MMP26: variants seen among roughly 807,000 people sequenced by gnomAD.
The protein encoded by MMP26 is matrix metalloproteinase-26.
A neutral mutation model predicts 31.0 loss-of-function variants in MMP26; 33 were observed. The ratio of observed to expected loss-of-function variants is 1.06; its 90% CI spans 0.81 to 1.42. The LOEUF (loss-of-function observed/expected upper bound fraction) is 1.42. Ranked by LOEUF, MMP26 falls within the 40% of genes most tolerant of loss-of-function variation. The probability of loss-of-function intolerance (pLI) is 0.00; values close to 1 mark genes in which losing one functional copy is unlikely to be tolerated. For missense variants in MMP26, 347 were observed against 316.1 expected (o/e 1.10, Z -0.74); for synonymous variants, 122 against 114.9 (o/e 1.06, Z -0.40).
chr11:4,939,531 T>G (rs932038524), intron 2 of MMP26, among the ~76,000 whole-genome samples: 1 of 152,290 alleles, frequency 6.6e-6, no homozygotes, highest in Middle Eastern at 3.4e-3. Context: ...ATTATTGTAA[T>G]CATTTAGGAA....
At chr11:4,839,634 G>A (rs1849767684) in intron 2 of MMP26, among the ~76,000 whole-genome samples, 1 of 151,724 alleles carries the variant, frequency 6.6e-6, no homozygotes, top group Non-Finnish European at 1.5e-5. Context: ...AGTCCTGGCA[G>A]CATTTATCAC....
intron 2 of MMP26, chr11:4,832,455 G>C (rs1240585513): frequency 6.5e-6 from 1 of 152,942 alleles, no homozygotes; most frequent in South Asian, 2.1e-4. Context: ...TTCATCCATG[G>C]ATTCACAGAC....
At chr11:4,808,877 G>C (rs1055971615) in intron 2 of MMP26, among the ~76,000 whole-genome samples, 1 of 149,296 alleles carries the variant, frequency 6.7e-6, no homozygotes, top group Non-Finnish European at 1.5e-5. Flanking sequence ...TTCCTCTGCT[G>C]ACCTACGGAA....
intron 2 of MMP26, chr11:4,860,065 C>A: frequency 2.1e-6 from 1 of 471,070 alleles, no homozygotes; most frequent in Non-Finnish European, 4.4e-6. Flanking sequence ...GAAGGGTAGG[C>A]ACTTTATAAG....
At chr11:4,933,377 A>G (rs10500622) in intron 2 of MMP26, among the ~76,000 whole-genome samples, 17,472 of 152,094 alleles carry the variant, frequency 0.11, 1,382 homozygotes, top group South Asian at 0.35. Flanking sequence ...ACATCAAATA[A>G]TTGTTTAAGG....
intron 1 of MMP26, among the ~76,000 whole-genome samples, chr11:4,727,547 T>C (rs4492819): frequency 0.65 from 98,436 of 151,866 alleles, 33,506 homozygotes; most frequent in African/African-American, 0.87. Context: ...CGGTGGCTCA[T>C]GCCTGTTATC....
intron 1 of MMP26, chr11:4,724,268 C>A (rs1405785128): frequency 1.4e-5 from 5 of 370,154 alleles, no homozygotes; most frequent in Admixed American, 4.1e-5. Context: ...CTTCTGCCAG[C>A]ATTTAAAACC....
chr11:4,769,209 G>T lies in MMP26; in HGVS notation c.-145+1868G>T, dbSNP rs1021998605. 3.5e-5 allele frequency: 57 copies of T among 1,613,514 alleles called. No homozygotes were observed. The highest frequency in any genetic ancestry group is 4.7e-5 in the Non-Finnish European group (56 of 1,179,534). On this transcript the variant is annotated intron_variant, in intron 2 of 7. Coordinates refer to ENST00000380390, the MANE Select transcript of MMP26 (RefSeq NM_021801.5). ...GAGACACAGGTGCTGAAGACCTTGT[G>T]CCATTCTTCAGGGGAGGCAATTCTG... is the stretch of plus-strand genomic sequence containing the variant.
intron 2 of MMP26, among the ~76,000 whole-genome samples, chr11:4,805,870 T>A (rs1211539985): frequency 6.6e-6 from 1 of 152,156 alleles, no homozygotes; most frequent in African/African-American, 2.4e-5. Context: ...TCAGAATCGA[T>A]GGCACAAAGC....
chr11:4,803,545 AACAGGATG>A, intron 2 of MMP26: 1 of 1,614,078 alleles, frequency 6.2e-7, no homozygotes, highest in Non-Finnish European at 8.5e-7. Flanking sequence ...GAGATTAGCA[AACAGGATG>A]TGTACAACTC....
intron 2 of MMP26, among the ~76,000 whole-genome samples, chr11:4,855,526 A>G (rs1850038082): frequency 6.6e-6 from 1 of 152,212 alleles, no homozygotes; most frequent in South Asian, 2.1e-4. Flanking sequence ...TAGAGAAAAA[A>G]GAGTAAAAAG....
intron 2 of MMP26, among the ~76,000 whole-genome samples, chr11:4,771,396 T>A (rs1184004503): frequency 8.6e-5 from 13 of 151,970 alleles, no homozygotes; most frequent in Non-Finnish European, 2.9e-5. Flanking sequence ...TGTGAAGTAT[T>A]TGGGGGTAAT....
chr11:4,926,246 C>T (rs1396382593), intron 2 of MMP26, among the ~76,000 whole-genome samples: 1 of 151,814 alleles, frequency 6.6e-6, no homozygotes, highest in Non-Finnish European at 1.5e-5. Context: ...ATATAAAGAA[C>T]GATGGCAAGG....
intron 1 of MMP26, among the ~76,000 whole-genome samples, chr11:4,709,095 A>C (rs903830450): frequency 6.6e-6 from 1 of 151,998 alleles, no homozygotes; most frequent in African/African-American, 2.4e-5. Context: ...TCTTACTTTC[A>C]TTGGGTCACA....
chr11:4,879,946 T>C (rs951004268), intron 2 of MMP26, among the ~76,000 whole-genome samples: 1 of 152,034 alleles, frequency 6.6e-6, no homozygotes, highest in Non-Finnish European at 1.5e-5. Flanking sequence ...TAAGGCTGGG[T>C]AAAGAGGAAT....
intron 2 of MMP26, among the ~76,000 whole-genome samples, chr11:4,816,932 G>C (rs1589909761): frequency 1.3e-5 from 2 of 150,396 alleles, no homozygotes; most frequent in Admixed American, 1.3e-4. Flanking sequence ...GGATGTTCTC[G>C]ATTTCCTGAC....
At chr11:4,722,984 C>T (rs563456427) in intron 1 of MMP26, 11 of 837,980 alleles carry the variant, frequency 1.3e-5, no homozygotes, top group East Asian at 7.2e-5. Flanking sequence ...AGACTCCAGC[C>T]GGCTCTCCTC....
intron 2 of MMP26, among the ~76,000 whole-genome samples, chr11:4,776,076 T>C (rs1848787743): frequency 6.6e-6 from 1 of 152,182 alleles, no homozygotes; most frequent in Admixed American, 6.5e-5. Flanking sequence ...GTTGCTTCTC[T>C]TAAGATCATG....
intron 2 of MMP26, among the ~76,000 whole-genome samples, chr11:4,987,464 G>T (rs926907371): frequency 6.6e-6 from 1 of 151,490 alleles, no homozygotes; most frequent in South Asian, 2.1e-4. Context: ...TGTCGCCCAG[G>T]CTGGAGTGCA....
Sources: gnomAD v4.1 joint callset for allele counts (sites outside exome capture counted in the v4.1 genomes callset) on GRCh38, gnomAD v4.1.1 for gene constraint, MANE v1.5 for transcripts, NCBI Gene and HGNC (gene_info 2026-07-23, HGNC 2026-07-21) for gene names.